The following LINGO2 variants were observed in gnomAD, a reference collection of about 807,000 sequenced individuals.
LINGO2 encodes leucine-rich repeat and immunoglobulin-like domain-containing nogo receptor-interacting protein 2.
LINGO2 carries 14 observed loss-of-function variants against 30.6 expected under a neutral mutation model. That is an observed-to-expected ratio of 0.46 (90% CI 0.30 to 0.72). LINGO2 has a LOEUF of 0.72. Ranked by LOEUF, LINGO2 falls within the 30% of genes least tolerant of loss-of-function variation. LINGO2 has a pLI of 0.07. For synonymous variants in LINGO2, 317 were observed against 288.5 expected (o/e 1.10, Z -1.00); for missense variants, 729 against 751.7 (o/e 0.97, Z 0.35).
intron 1 of LINGO2, among the ~76,000 whole-genome samples, chr9:28,530,814 G>A (rs1821204863): frequency 6.6e-6 from 1 of 151,652 alleles, no homozygotes; most frequent in East Asian, 1.9e-4. Context: ...AAATTTAATT[G>A]CTTATATATG....
Position 28,233,100 on chromosome 9 carries a change from ATG to A in LINGO2, c.-87+62106_-87+62107del, listed in dbSNP as rs756470062. Among the ~76,000 whole-genome samples, 6 of 144,438 alleles carry A rather than the reference ATG, an allele frequency of 4.2e-5. No homozygotes were observed. In the South Asian group the frequency reaches 6.6e-4, roughly 16 times the overall value. The allele number at this position is 144,438 out of a possible 152,430, so 94.8% of individuals were successfully genotyped here. A position where few individuals can be genotyped will look rare whatever the true frequency, so the allele number is the denominator to read the frequency against. ...GATATACAGTAAACATTTTAAATATATGTGTGTGGGGGGGTCTATGTGTGTGT... is the reference window on the plus strand; with the variant it reads ...GATATACAGTAAACATTTTAAATATATGTGTGGGGGGGTCTATGTGTGTGT... On this transcript the variant is annotated intron_variant, in intron 4 of 5. Transcript: ENST00000379992.
chr9:28,408,748 A>G (rs1397261802), intron 2 of LINGO2, among the ~76,000 whole-genome samples: 1 of 146,946 alleles, frequency 6.8e-6, no homozygotes, highest in African/African-American at 2.5e-5. Flanking sequence ...TTGCACATGT[A>G]CCCTTAAACT....
At chr9:28,309,132 C>G (rs554911140) in intron 3 of LINGO2, among the ~76,000 whole-genome samples, 1 of 152,150 alleles carries the variant, frequency 6.6e-6, no homozygotes, top group African/African-American at 2.4e-5. Flanking sequence ...CACATGCACA[C>G]GTATGTTTAT....
the LINGO2 span, among the ~76,000 whole-genome samples, chr9:28,856,059 C>T: frequency 6.6e-6 from 1 of 151,946 alleles, no homozygotes; most frequent in African/African-American, 2.4e-5. Context: ...GTGAAGCAGC[C>T]TGGCAATATT....
chr9:28,037,996 GTGAATAGTAAC>G (rs1461373906), intron 4 of LINGO2, among the ~76,000 whole-genome samples: 1 of 152,214 alleles, frequency 6.6e-6, no homozygotes, highest in African/African-American at 2.4e-5. Context: ...GGATTACACA[GTGAATAGTAAC>G]TGAACTAAGA....
intron 4 of LINGO2, among the ~76,000 whole-genome samples, chr9:28,052,143 G>T (rs1461427643): frequency 6.6e-6 from 1 of 152,032 alleles, no homozygotes; most frequent in African/African-American, 2.4e-5. Context: ...CGTTAAAGAA[G>T]CACATAGTTC....
At chr9:28,286,882 T>C (rs926427073) in intron 4 of LINGO2, among the ~76,000 whole-genome samples, 1 of 152,104 alleles carries the variant, frequency 6.6e-6, no homozygotes, top group Non-Finnish European at 1.5e-5. Context: ...ACCTGGACGA[T>C]TAAATAATCT....
chr9:28,624,220 A>T (rs1026809618), intron 1 of LINGO2, among the ~76,000 whole-genome samples: 1 of 152,096 alleles, frequency 6.6e-6, no homozygotes, highest in African/African-American at 2.4e-5. Flanking sequence ...GTTGAAAAAC[A>T]GTAGTGAAAT....
chr9:28,497,290 G>A (rs984493055), intron 1 of LINGO2, among the ~76,000 whole-genome samples: 4 of 152,074 alleles, frequency 2.6e-5, no homozygotes, highest in Admixed American at 1.3e-4. Context: ...CTACTTTCAG[G>A]TACACCAATC....
intron 4 of LINGO2, among the ~76,000 whole-genome samples, chr9:28,036,541 CAAT>C (rs779014551): frequency 2.0e-5 from 3 of 152,048 alleles, no homozygotes; most frequent in Non-Finnish European, 4.4e-5. Flanking sequence ...TCAATGGAGG[CAAT>C]AATTTTAGGC....
At chr9:28,288,168 C>T (rs375061094) in intron 4 of LINGO2, among the ~76,000 whole-genome samples, 1 of 152,144 alleles carries the variant, frequency 6.6e-6, no homozygotes, top group African/African-American at 2.4e-5. Context: ...TTGAACACCA[C>T]CATAGCTGTG....
the LINGO2 span, among the ~76,000 whole-genome samples, chr9:29,011,959 AAAT>A: frequency 6.6e-6 from 1 of 152,236 alleles, no homozygotes; most frequent in Non-Finnish European, 1.5e-5. Flanking sequence ...GGACAATAAC[AAAT>A]AATGATAGTA....
chr9:28,483,357 C>T (rs765492700), intron 1 of LINGO2, among the ~76,000 whole-genome samples: 1 of 151,930 alleles, frequency 6.6e-6, no homozygotes, highest in African/African-American at 2.4e-5. Flanking sequence ...AAATAAAGAA[C>T]CTAAGACATT....
chr9:29,186,804 G>C, the LINGO2 span, among the ~76,000 whole-genome samples: 3 of 151,840 alleles, frequency 2.0e-5, no homozygotes, highest in Non-Finnish European at 4.4e-5. Flanking sequence ...ATCATATAGG[G>C]CTGCTAACAA....
Position 28,375,024 on chromosome 9 carries a change from G to C in LINGO2, c.-278-2156C>G, listed in dbSNP as rs562695214. Among the ~76,000 whole-genome samples the C allele has an allele frequency of 3.0e-3, 447 of 150,882 alleles. 7 individuals are homozygous for C. The highest frequency in any genetic ancestry group is 0.01 in the African/African-American group (429 of 41,038). On this transcript the variant is annotated intron_variant, in intron 2 of 5. Transcript: ENST00000379992. ...AGGACCTATTCTTGGACCTTTTCTG[G>C]ACTTTGTTATGTTTCTAACACCCCA...
chr9:27,994,040 C>G lies in LINGO2; in HGVS notation c.-36+18315G>C, dbSNP rs193210343. Among the ~76,000 whole-genome samples the G allele has an allele frequency of 6.6e-5, 10 of 152,002 alleles. No homozygotes were observed. In the East Asian group the frequency reaches 1.9e-3, roughly 29 times the overall value. On this transcript the variant is annotated intron_variant, in intron 5 of 5. Transcript: ENST00000379992. ...AAAAATATGGAAATTAATCAACATA[C>G]TCCTGAATGACCAATGAGTCAATAA...
intron 3 of LINGO2, among the ~76,000 whole-genome samples, chr9:28,351,731 C>T (rs1336180491): frequency 2.5e-4 from 38 of 152,078 alleles, no homozygotes; most frequent in Admixed American, 1.7e-3. Context: ...CCTTGATGAA[C>T]ATTGGTGCAA....
chr9:28,920,108 C>G, the LINGO2 span, among the ~76,000 whole-genome samples: 100 of 152,162 alleles, frequency 6.6e-4, no homozygotes, highest in African/African-American at 2.3e-3. Flanking sequence ...TAAGATGATT[C>G]TTTTAAAATA....
chr9:28,268,734 T>C (rs1052282928), intron 4 of LINGO2, among the ~76,000 whole-genome samples: 1 of 152,092 alleles, frequency 6.6e-6, no homozygotes, highest in African/African-American at 2.4e-5. Context: ...ACATAACCAC[T>C]GAATAAATAT....
Sources: allele counts gnomAD v4.1 joint callset (sites outside exome capture counted in the v4.1 genomes callset), GRCh38; gene constraint gnomAD v4.1.1; transcripts MANE v1.5; gene names NCBI Gene and HGNC (gene_info 2026-07-23, HGNC 2026-07-21).